Variants in DPEP1 observed in about 807,000 individuals in gnomAD.
The protein encoded by DPEP1 is dipeptidase 1.
DPEP1 carries 50 observed loss-of-function variants against 42.3 expected under a neutral mutation model. The ratio of observed to expected loss-of-function variants is 1.18; its 90% CI spans 0.94 to 1.50. The LOEUF is 1.50. Ranked by LOEUF, DPEP1 falls within the 40% of genes most tolerant of loss-of-function variation. The pLI is 0.00. For missense variants in DPEP1, 663 were observed against 553.0 expected (o/e 1.20, Z -1.99); for synonymous variants, 297 against 234.0 (o/e 1.27, Z -2.46).
In DPEP1 at chr16:89,624,531, G is replaced by C. The variant is rs554567818; in HGVS notation, c.-106-5774G>C. Reference sequence around the variant, plus strand: ...AGGGGCGCTGTTACATAGTTTTCTGGGGTTTGTTTTTTTTTTGTTTTGAGA... The same window carrying C: ...AGGGGCGCTGTTACATAGTTTTCTGCGGTTTGTTTTTTTTTTGTTTTGAGA... On this transcript the variant is annotated intron_variant, in intron 1 of 10. Transcript: ENST00000690203. Among the ~76,000 whole-genome samples, 4 of 133,588 alleles carry C rather than the reference G, an allele frequency of 3.0e-5. No individual in the cohort carries two copies. In the South Asian group the frequency reaches 8.9e-4, roughly 30 times the overall value. 87.6% of individuals were successfully genotyped at this position (133,588 alleles called of 152,430 possible).
chr16:89,617,701 T>C (rs111920115), intron 1 of DPEP1, among the ~76,000 whole-genome samples: 8,694 of 12,516 alleles, frequency 0.69, 2,811 homozygotes, highest in Non-Finnish European at 0.8. Flanking sequence ...TTTGGGAGGT[T>C]GGGCACGGTG....
Position 89,636,298 on chromosome 16 carries a change from A to G in DPEP1, c.272A>G (p.Asn91Ser). 1 of 1,611,896 alleles carries G rather than the reference A, an allele frequency of 6.2e-7. No homozygotes were observed. Among genetic ancestry groups the G allele is most frequent in the Non-Finnish European group, 8.5e-7 (1 of 1,179,692 alleles). ...WSVYTPCDTQ[N>S]KDAVRRTLEQ... ...GTGTACACGCCCTGCGACACCCAGA[A>G]CAAAGACGCCGTGCGGAGGACGCTG... Residue 91 changes from asparagine to serine, a missense_variant, in exon 4 of 11, where the codon AAC becomes AGC. Coordinates refer to ENST00000690203, the MANE Select transcript of DPEP1 (RefSeq NM_001389466.1).
rs139875233 is a variant in DPEP1, at chr16:89,624,424, T to C, written c.-106-5881T>C. On this transcript the variant is annotated intron_variant, in intron 1 of 10. Coordinates refer to ENST00000690203, the MANE Select transcript of DPEP1 (RefSeq NM_001389466.1). ...TTTGAACAAAGAAGTGGACAAAACG[T>C]GCAAAGTAACGAACAAAACACGGAA... Among the ~76,000 whole-genome samples the C allele has an allele frequency of 2.0e-5, 3 of 152,104 alleles. No homozygotes were observed. In the East Asian group the frequency reaches 5.8e-4, roughly 29 times the overall value.
At chr16:89,640,020 C>T (rs1227737781), downstream of DPEP1, among the ~76,000 whole-genome samples, 2 of 152,168 alleles carry the variant, frequency 1.3e-5, no homozygotes, top group Non-Finnish European at 2.9e-5. Flanking sequence ...ATCGGCGTGG[C>T]CCCCAGGCTC....
intron 1 of DPEP1, among the ~76,000 whole-genome samples, chr16:89,629,351 A>C (rs1400299199): frequency 6.6e-6 from 1 of 152,004 alleles, no homozygotes; most frequent in Non-Finnish European, 1.5e-5. Flanking sequence ...AAAATACAAA[A>C]ATTAGCCAGA....
At chr16:89,621,095 G>A (rs1234940988) in intron 1 of DPEP1, among the ~76,000 whole-genome samples, 1 of 152,006 alleles carries the variant, frequency 6.6e-6, no homozygotes, top group African/African-American at 2.4e-5. Flanking sequence ...GCAGGGGTGA[G>A]AGGGTGGCTT....
At chr16:89,624,507 G>A (rs1406588869) in intron 1 of DPEP1, among the ~76,000 whole-genome samples, 1 of 151,618 alleles carries the variant, frequency 6.6e-6, no homozygotes, top group Non-Finnish European at 1.5e-5. Flanking sequence ...TGGGGTGAGA[G>A]GGGCGCTGTT....
At chr16:89,640,827 A>G (rs143627181), downstream of DPEP1, among the ~76,000 whole-genome samples, 1 of 152,088 alleles carries the variant, frequency 6.6e-6, no homozygotes, top group Non-Finnish European at 1.5e-5. Context: ...AAAGAGAAGA[A>G]AAGACAGCTG....
rs771785572 is a variant in DPEP1 at position 89,636,849 on chromosome 16, GC to G, written c.522-15del. 21 of 1,612,174 alleles carry G rather than the reference GC, an allele frequency of 1.3e-5. No homozygotes were observed. The East Asian group carries it at 4.0e-4, about 31-fold the overall frequency. ...ACCACCGCTCACCTCTTGGGCACCTGCCTTTTGCTTCTCCAGGGCTGACAAC... is the reference window on the plus strand; with the variant it reads ...ACCACCGCTCACCTCTTGGGCACCTGCTTTTGCTTCTCCAGGGCTGACAAC... On this transcript the variant is annotated splice_polypyrimidine_tract_variant and intron_variant, in intron 5 of 10. Coordinates refer to ENST00000690203, the MANE Select transcript of DPEP1 (RefSeq NM_001389466.1).
Position 89,637,922 on chromosome 16 carries a change from A to G in DPEP1, c.1016A>G (p.Lys339Arg). 2 of 1,611,686 alleles carry G rather than the reference A, an allele frequency of 1.2e-6. No individual in the cohort carries two copies. Residue 339 changes from lysine (K) to arginine (R), a missense_variant, in exon 10 of 11, where the codon AAG becomes AGG. Physicochemically the swap from Lys to Arg is conservative, Grantham distance 26. Transcript: ENST00000690203. ...LRRNWTEAEV[K>R]GALADNLLRV... ...AGGAACTGGACGGAGGCGGAGGTCA[A>G]GGGCGCACTGGCTGACAACCTGCTG... is the stretch of plus-strand genomic sequence containing the variant.
chr16:89,622,038 C>A (rs754633964), intron 1 of DPEP1, among the ~76,000 whole-genome samples: 1 of 152,146 alleles, frequency 6.6e-6, no homozygotes, highest in Non-Finnish European at 1.5e-5. Flanking sequence ...CTGTCACCTG[C>A]GTCTCGACAG....
chr16:89,637,929 A>C lies in DPEP1; in HGVS notation c.1023A>C (p.Ala341=). 1 of 1,611,252 alleles carries C rather than the reference A, an allele frequency of 6.2e-7. No homozygotes were observed. Among genetic ancestry groups the C allele is most frequent in the Non-Finnish European group, 8.5e-7 (1 of 1,179,232 alleles). Residue 341 remains alanine (A), a synonymous_variant, in exon 10 of 11, where the codon GCA becomes GCC. Transcript: ENST00000690203. ...GGACGGAGGCGGAGGTCAAGGGCGC[A>C]CTGGCTGACAACCTGCTGAGGGTCT... The part of the protein sequence containing the change: ...RNWTEAEVKG[A]LADNLLRVFE...
chr16:89,618,774 G>A (rs1388599229), intron 1 of DPEP1, among the ~76,000 whole-genome samples: 1 of 151,908 alleles, frequency 6.6e-6, no homozygotes, highest in African/African-American at 2.4e-5. Flanking sequence ...TGCACAATTC[G>A]CATTTTGTAA....
chr16:89,618,087 AATT>A (rs760894933), intron 1 of DPEP1, among the ~76,000 whole-genome samples: 4 of 152,218 alleles, frequency 2.6e-5, no homozygotes, highest in Non-Finnish European at 4.4e-5. Context: ...TAAAATTTTA[AATT>A]ATTAGCATGT....
At position 89,617,710 on chromosome 16, in the gene DPEP1, T is replaced by TCGGGTGCGGC; in HGVS notation, c.-107+3991_-107+3992insCGGGTGCGGC. Among the ~76,000 whole-genome samples, 63 of 14,896 alleles carry TCGGGTGCGGC rather than the reference T, an allele frequency of 4.2e-3. 19 individuals carry two copies. Among genetic ancestry groups the TCGGGTGCGGC allele is most frequent in the South Asian group, 9.8e-3 (3 of 306 alleles). 9.8% of individuals were successfully genotyped at this position (14,896 alleles called of 152,430 possible). A position where few individuals can be genotyped will look rare whatever the true frequency, so the allele number is the denominator to read the frequency against. ...CAGCACTTTGGGAGGTTGGGCACGG[T>TCGGGTGCGGC]GGCTCACACCTGTAATCCCAGCACT... is the stretch of plus-strand genomic sequence containing the variant. On this transcript the variant is annotated intron_variant, in intron 1 of 10. Transcript: ENST00000690203.
chr16:89,624,338 G>A (rs547819779), intron 1 of DPEP1, among the ~76,000 whole-genome samples: 7 of 152,288 alleles, frequency 4.6e-5, no homozygotes, highest in Non-Finnish European at 1.0e-4. Context: ...CACGGCAGAA[G>A]GGGAGGGAGC....
chr16:89,637,033 C>G, intron 6 of DPEP1, 98 bp downstream of exon 6: 1 of 1,548,066 alleles, frequency 6.5e-7, no homozygotes, highest in Non-Finnish European at 8.7e-7. Flanking sequence ...ACCTCAGTGT[C>G]CTTGTCTGTA....
chr16:89,623,089 C>G (rs1186761686), intron 1 of DPEP1, among the ~76,000 whole-genome samples: 1 of 151,938 alleles, frequency 6.6e-6, no homozygotes, highest in Admixed American at 6.6e-5. Context: ...CCCCACACAG[C>G]CAGAGGAAGG....
downstream of DPEP1, among the ~76,000 whole-genome samples, chr16:89,639,263 C>A (rs1332262945): frequency 2.4e-5 from 1 of 41,598 alleles, no homozygotes. Flanking sequence ...TGCACACACA[C>A]CCCCACCCCT....
Sources: gnomAD v4.1 joint callset for allele counts (sites outside exome capture counted in the v4.1 genomes callset) on GRCh38, gnomAD v4.1.1 for gene constraint, MANE v1.5 for transcripts, NCBI Gene and HGNC (gene_info 2026-07-23, HGNC 2026-07-21) for gene names.